The following DCC variants were observed in gnomAD, a reference collection of about 807,000 sequenced individuals.
The protein encoded by DCC is DCC netrin 1 receptor.
In DCC, 58 loss-of-function variants were observed where a neutral mutation model predicts 172.5. The ratio of observed to expected loss-of-function variants is 0.34; its 90% confidence interval spans 0.27 to 0.42. DCC has a LOEUF of 0.42. DCC is among the 10% of genes least tolerant of loss of function. The probability of loss-of-function intolerance (pLI) is 1.00; values close to 1 mark genes in which losing one functional copy is unlikely to be tolerated. For synonymous variants in DCC, 709 were observed against 644.5 expected (o/e 1.10, Z -1.52); for missense variants, 1,740 against 1,791.0 (o/e 0.97, Z 0.51).
chr18:53,104,403 T>G (rs1423840991), intron 7 of DCC, among the ~76,000 whole-genome samples: 1 of 151,938 alleles, frequency 6.6e-6, no homozygotes, highest in Non-Finnish European at 1.5e-5. Context: ...AATGGGAGTT[T>G]CCCTGCACAA....
At chr18:53,258,573 G>C (rs1450378441) in intron 12 of DCC, among the ~76,000 whole-genome samples, 5 of 152,152 alleles carry the variant, frequency 3.3e-5, no homozygotes, top group Non-Finnish European at 7.4e-5. Flanking sequence ...TGTGGTCTGA[G>C]AGACAGTTTG....
intron 1 of DCC, among the ~76,000 whole-genome samples, chr18:52,590,037 A>T (rs2033764041): frequency 6.6e-6 from 1 of 152,218 alleles, no homozygotes; most frequent in Non-Finnish European, 1.5e-5. Context: ...ATAAAATAGC[A>T]TAGTGCTCTG....
At chr18:53,428,101 AATATAATATAATAATATATAATATAT>A (rs1911149845) in intron 21 of DCC, among the ~76,000 whole-genome samples, 1 of 9,098 alleles carries the variant, frequency 1.1e-4, no homozygotes, top group African/African-American at 3.8e-4. Context: ...TATAATATAT[AATATAATATAATAATATATAATATAT>A]AATATAATAT....
At chr18:53,266,929 C>G (rs2056681707) in intron 12 of DCC, among the ~76,000 whole-genome samples, 1 of 151,916 alleles carries the variant, frequency 6.6e-6, no homozygotes, top group Admixed American at 6.6e-5. Context: ...CTTCAGATCA[C>G]AGATGTTTGG....
chr18:53,180,251 A>G (rs574369231), intron 9 of DCC, among the ~76,000 whole-genome samples: 14 of 152,340 alleles, frequency 9.2e-5, no homozygotes, highest in African/African-American at 3.4e-4. Flanking sequence ...CAAGATGATA[A>G]CAAATTGGAA....
intron 1 of DCC, among the ~76,000 whole-genome samples, chr18:52,684,539 A>T (rs2035799118): frequency 6.6e-6 from 1 of 152,074 alleles, no homozygotes. Context: ...TGGGATTTGG[A>T]AAGTTTCCAT....
chr18:52,677,914 C>T (rs540674959), intron 1 of DCC, among the ~76,000 whole-genome samples: 26 of 152,240 alleles, frequency 1.7e-4, no homozygotes, highest in Admixed American at 9.2e-4. Context: ...AGCCATAATA[C>T]GCCACCATTC....
chr18:52,505,106 A>AGAAGGGAAGG (rs1343528149), intron 1 of DCC, among the ~76,000 whole-genome samples: 3 of 152,330 alleles, frequency 2.0e-5, no homozygotes, highest in African/African-American at 7.2e-5. Flanking sequence ...GGGAAAGATC[A>AGAAGGGAAGG]GAGAACGTAT....
intron 2 of DCC, among the ~76,000 whole-genome samples, chr18:52,891,991 C>G (rs974073314): frequency 4.6e-5 from 7 of 152,046 alleles, no homozygotes; most frequent in African/African-American, 1.2e-4. Context: ...AATAACATCT[C>G]AGTGTGGTTG....
chr18:52,960,892 T>C (rs1044715952), intron 5 of DCC, among the ~76,000 whole-genome samples: 1 of 152,176 alleles, frequency 6.6e-6, no homozygotes, highest in African/African-American at 2.4e-5. Flanking sequence ...TATTATTTTA[T>C]ATTTATATTT....
intron 1 of DCC, among the ~76,000 whole-genome samples, chr18:52,627,713 G>T (rs986832898): frequency 6.6e-6 from 1 of 152,182 alleles, no homozygotes; most frequent in Non-Finnish European, 1.5e-5. Context: ...GACAACTCTC[G>T]CTTTGGAGTG....
At chr18:52,933,506 C>T (rs909367443) in intron 5 of DCC, among the ~76,000 whole-genome samples, 4 of 151,562 alleles carry the variant, frequency 2.6e-5, no homozygotes, top group South Asian at 2.1e-4. Context: ...TGGAAATAAG[C>T]GGGATGGGGA....
At chr18:52,785,677 T>G (rs1009318188) in intron 2 of DCC, among the ~76,000 whole-genome samples, 7 of 152,118 alleles carry the variant, frequency 4.6e-5, no homozygotes, top group Non-Finnish European at 1.0e-4. Context: ...CTGGTTTGCC[T>G]CCACCAGATG....
rs371855569 is a variant in DCC at position 52,669,446 on chromosome 18, A to C, written c.92-82608A>C. On this transcript the variant is annotated intron_variant, in intron 1 of 28. Coordinates refer to ENST00000442544, the MANE Select transcript of DCC (RefSeq NM_005215.4). ...AGGACTGTTATCATCTTTGTTTTAA[A>C]CTATAAGTTCCTTGCAAAGTTAGTT... Among the ~76,000 whole-genome samples, 45 of 152,334 alleles carry C rather than the reference A, an allele frequency of 3.0e-4. No homozygotes were observed. The East Asian group carries it at 6.4e-3, about 22-fold the overall frequency.
intron 12 of DCC, among the ~76,000 whole-genome samples, chr18:53,247,653 T>G (rs2056381238): frequency 6.6e-6 from 1 of 152,002 alleles, no homozygotes; most frequent in Non-Finnish European, 1.5e-5. Flanking sequence ...ATTAAATACA[T>G]TTTTATAGAT....
chr18:53,450,160 CATACATAT>C (rs1469719043), intron 22 of DCC, among the ~76,000 whole-genome samples: 5 of 151,532 alleles, frequency 3.3e-5, no homozygotes. Flanking sequence ...CACATACACA[CATACATAT>C]GCATACATAC....
chr18:52,358,733 C>A (rs1478731424), intron 1 of DCC, among the ~76,000 whole-genome samples: 1 of 152,190 alleles, frequency 6.6e-6, no homozygotes, highest in Non-Finnish European at 1.5e-5. Flanking sequence ...AGAGCTATGT[C>A]ATAAACCAGT....
At chr18:53,428,333 TATTGTA>T (rs1568125810) in intron 21 of DCC, among the ~76,000 whole-genome samples, 19 of 63,344 alleles carry the variant, frequency 3.0e-4, no homozygotes, top group Admixed American at 1.1e-3. Context: ...TAATATAATA[TATTGTA>T]TATAATATAA....
chr18:52,489,646 A>G (rs1333028050), intron 1 of DCC, among the ~76,000 whole-genome samples: 1 of 152,072 alleles, frequency 6.6e-6, no homozygotes, highest in African/African-American at 2.4e-5. Flanking sequence ...TCCACAATGG[A>G]TAGATATTTG....
Sources: gnomAD v4.1 joint callset for allele counts (sites outside exome capture counted in the v4.1 genomes callset) on GRCh38, gnomAD v4.1.1 for gene constraint, MANE v1.5 for transcripts, NCBI Gene and HGNC (gene_info 2026-07-23, HGNC 2026-07-21) for gene names.